PCDHA1: variants seen among roughly 807,000 people sequenced by gnomAD.
PCDHA1 encodes protocadherin alpha 1.
A neutral mutation model predicts 61.3 loss-of-function variants in PCDHA1; 42 were observed. The ratio of observed to expected loss-of-function variants is 0.69; its 90% CI spans 0.54 to 0.89. PCDHA1 has a LOEUF of 0.89. Ranked by LOEUF, PCDHA1 falls within the 40% of genes least tolerant of loss-of-function variation. PCDHA1 has a pLI of 0.00. For synonymous variants in PCDHA1, 610 were observed against 553.8 expected (o/e 1.10, Z -1.43); for missense variants, 1,256 against 1,235.3 (o/e 1.02, Z -0.25).
intron 1 of PCDHA1, chr5:140,928,749 T>A: frequency 1.2e-6 from 2 of 1,614,194 alleles, no homozygotes; most frequent in Non-Finnish European, 1.7e-6. Flanking sequence ...GTGAGCTCCG[T>A]ACTGCTCGCT....
intron 1 of PCDHA1, chr5:140,966,750 C>T: frequency 7.0e-7 from 1 of 1,428,438 alleles, no homozygotes; most frequent in African/African-American, 1.5e-5. Context: ...CGGCTGCCTC[C>T]GCCGCGGCCA....
intron 1 of PCDHA1, among the ~76,000 whole-genome samples, chr5:140,794,406 G>A (rs1466617623): frequency 1.3e-5 from 2 of 152,174 alleles, no homozygotes; most frequent in Admixed American, 6.5e-5. Context: ...AATACTTTAC[G>A]AGTCCACTTA....
chr5:140,807,414 A>T (rs1554124003), intron 1 of PCDHA1: 1 of 1,585,622 alleles, frequency 6.3e-7, no homozygotes, highest in Admixed American at 1.7e-5. Context: ...GGCCTTCTGG[A>T]GGTAAATCTG....
chr5:140,809,221 C>T, intron 1 of PCDHA1: 1 of 1,614,078 alleles, frequency 6.2e-7, no homozygotes. Context: ...CGCCAAAGGC[C>T]TCCTCACGGG....
At chr5:140,815,836 A>G (rs114688283) in intron 1 of PCDHA1, 1 of 152,148 alleles carries the variant, frequency 6.6e-6, no homozygotes, top group African/African-American at 2.4e-5. Context: ...TTTGAAGACA[A>G]ACTTTGGTGG....
intron 1 of PCDHA1, chr5:140,867,406 C>G (rs1394985393): frequency 6.6e-6 from 1 of 151,958 alleles, no homozygotes; most frequent in East Asian, 1.9e-4. Context: ...GATATGTCTC[C>G]TTTAATTTTT....
rs782792374 is a variant in PCDHA1, at chr5:140,869,589, T to C, written c.2394+80905T>C. The C allele has an allele frequency of 2.5e-6, 4 of 1,614,002 alleles. No individual in the cohort carries two copies. The African/African-American group carries it at 4.0e-5, about 16-fold the overall frequency. On this transcript the variant is annotated intron_variant, in intron 1 of 3. Coordinates refer to ENST00000504120, the MANE Select transcript of PCDHA1 (RefSeq NM_018900.4). ...TAGAGGGAGCTTCTGATGCTGACAT[T>C]GAAGAGAATGCTCTATTGACCTACA...
At chr5:140,914,297 G>A (rs1371976850) in intron 1 of PCDHA1, among the ~76,000 whole-genome samples, 2 of 152,056 alleles carry the variant, frequency 1.3e-5, no homozygotes, top group African/African-American at 4.8e-5. Flanking sequence ...ATATCCTCTT[G>A]CTGAATTGAC....
chr5:140,801,684 G>A (rs782708273), intron 1 of PCDHA1: 5 of 1,614,086 alleles, frequency 3.1e-6, no homozygotes, highest in East Asian at 2.2e-5. Context: ...TGCAGATATC[G>A]GAACAAATTC....
chr5:140,802,286 T>C (rs1554121995), intron 1 of PCDHA1: 2 of 1,614,132 alleles, frequency 1.2e-6, no homozygotes, highest in African/African-American at 2.7e-5. Flanking sequence ...TAGAAGACTC[T>C]CCACTTAGCA....
intron 1 of PCDHA1, chr5:140,848,514 G>A (rs1356493144): frequency 6.3e-7 from 1 of 1,590,674 alleles, no homozygotes; most frequent in Non-Finnish European, 8.6e-7. Context: ...CTCAAGTCGA[G>A]GAGATCCAGA....
chr5:140,843,708 G>A, intron 1 of PCDHA1: 1 of 1,577,200 alleles, frequency 6.3e-7, no homozygotes, highest in South Asian at 1.1e-5. Context: ...GTTGATCATG[G>A]CCTCAAAGTA....
At chr5:140,916,279 C>T (rs2077510203) in intron 1 of PCDHA1, among the ~76,000 whole-genome samples, 1 of 152,228 alleles carries the variant, frequency 6.6e-6, no homozygotes, top group Admixed American at 6.5e-5. Context: ...TGTTGCTCTA[C>T]TCCACGTGGC....
chr5:140,863,062 G>C (rs62384481), intron 1 of PCDHA1: 2 of 565,590 alleles, frequency 3.5e-6, no homozygotes, highest in African/African-American at 3.8e-5. Flanking sequence ...CCCGTTCCAC[G>C]TGGGGCTCTG....
intron 3 of PCDHA1, among the ~76,000 whole-genome samples, chr5:141,005,012 G>T (rs782256217): frequency 3.3e-5 from 5 of 152,212 alleles, no homozygotes; most frequent in Non-Finnish European, 4.4e-5. Context: ...CCTGAGAGCT[G>T]CATTATATAT....
intron 1 of PCDHA1, chr5:140,802,518 G>A (rs577444100): frequency 5.0e-6 from 8 of 1,614,136 alleles, no homozygotes; most frequent in South Asian, 3.3e-5. Flanking sequence ...CACGGCCAGC[G>A]TGTCCGTGGA....
chr5:140,999,600 TG>T (rs1213821435), intron 3 of PCDHA1, among the ~76,000 whole-genome samples: 3 of 152,150 alleles, frequency 2.0e-5, no homozygotes. Context: ...CCCTACATCC[TG>T]GGGGACCTTA....
chr5:140,888,047 G>C (rs1246901863), intron 1 of PCDHA1, among the ~76,000 whole-genome samples: 12 of 152,092 alleles, frequency 7.9e-5, no homozygotes, highest in African/African-American at 2.9e-4. Flanking sequence ...ATGTATAATA[G>C]ATGTTTTAAC....
At chr5:140,925,671 A>AATAATAATG (rs1445697337) in intron 1 of PCDHA1, among the ~76,000 whole-genome samples, 20 of 148,150 alleles carry the variant, frequency 1.3e-4, no homozygotes, top group African/African-American at 5.0e-4. Context: ...TAATAATAAT[A>AATAATAATG]ATAATAAAGC....
Sources: allele counts gnomAD v4.1 joint callset (sites outside exome capture counted in the v4.1 genomes callset), GRCh38; gene constraint gnomAD v4.1.1; transcripts MANE v1.5; gene names NCBI Gene and HGNC (gene_info 2026-07-23, HGNC 2026-07-21).